Variants in EEPD1 observed in about 807,000 individuals in gnomAD.
EEPD1 encodes endonuclease/exonuclease/phosphatase family domain containing 1.
EEPD1 carries 17 observed loss-of-function variants against 46.3 expected under a neutral mutation model. The observed-to-expected ratio is 0.37, with a 90% CI of 0.25 to 0.55. The LOEUF is 0.55. Ranked by LOEUF, EEPD1 falls within the 20% of genes least tolerant of loss-of-function variation. The pLI is 0.83. For missense variants in EEPD1, 673 were observed against 745.6 expected (o/e 0.90, Z 1.13); for synonymous variants, 313 against 315.6 (o/e 0.99, Z 0.09).
At chr7:36,194,452 G>T (rs1212231776) in intron 2 of EEPD1, among the ~76,000 whole-genome samples, 1 of 152,142 alleles carries the variant, frequency 6.6e-6, no homozygotes, top group Non-Finnish European at 1.5e-5. Context: ...TTCCTTTTAA[G>T]GTGGGGGCAG....
intron 3 of EEPD1, among the ~76,000 whole-genome samples, chr7:36,262,883 T>C (rs983367636): frequency 6.6e-6 from 1 of 152,184 alleles, no homozygotes; most frequent in South Asian, 2.1e-4. Flanking sequence ...TAAACAAATA[T>C]TATTTTAGAG....
intron 2 of EEPD1, among the ~76,000 whole-genome samples, chr7:36,196,981 G>T: frequency 6.6e-6 from 1 of 151,132 alleles, no homozygotes; most frequent in East Asian, 2.0e-4. Context: ...GTCTCTGCCC[G>T]GCCCCCCATC....
chr7:36,281,284 C>T, intron 4 of EEPD1, 59 bp downstream of exon 4: 1 of 1,469,302 alleles, frequency 6.8e-7, no homozygotes, highest in Non-Finnish European at 9.4e-7. Context: ...TACTTTTCCC[C>T]TAATCAAGGG....
At chr7:36,283,430 CG>C (rs1280310546) in intron 4 of EEPD1, among the ~76,000 whole-genome samples, 1 of 152,070 alleles carries the variant, frequency 6.6e-6, no homozygotes, top group Non-Finnish European at 1.5e-5. Context: ...GAAGATGACT[CG>C]AGTGATGCTT....
chr7:36,185,246 C>T (rs1229632733), intron 2 of EEPD1, among the ~76,000 whole-genome samples: 1 of 152,222 alleles, frequency 6.6e-6, no homozygotes, highest in Non-Finnish European at 1.5e-5. Flanking sequence ...GAATAGCATG[C>T]CATGTGTTCA....
chr7:36,216,722 A>G (rs1786035148), intron 2 of EEPD1, among the ~76,000 whole-genome samples: 1 of 152,242 alleles, frequency 6.6e-6, no homozygotes, highest in Non-Finnish European at 1.5e-5. Context: ...ATCTCCATTA[A>G]AATTATGTCA....
At chr7:36,266,347 C>T (rs1239020077) in intron 3 of EEPD1, among the ~76,000 whole-genome samples, 2 of 152,084 alleles carry the variant, frequency 1.3e-5, no homozygotes, top group African/African-American at 4.8e-5. Context: ...TGCTCAGTAA[C>T]CATATGTGAA....
At chr7:36,162,858 G>A (rs12533392) in intron 2 of EEPD1, among the ~76,000 whole-genome samples, 1,827 of 152,258 alleles carry the variant, frequency 0.012, 117 homozygotes, top group Admixed American at 0.1. Context: ...GTGCTTAAGC[G>A]ACAGTACGTT....
chr7:36,166,931 G>A (rs886980088), intron 2 of EEPD1, among the ~76,000 whole-genome samples: 1 of 152,118 alleles, frequency 6.6e-6, no homozygotes, highest in South Asian at 2.1e-4. Flanking sequence ...CACAGACTGG[G>A]GGGCTTCAAC....
intron 2 of EEPD1, among the ~76,000 whole-genome samples, chr7:36,182,589 C>T (rs895765663): frequency 2.6e-5 from 4 of 152,260 alleles, no homozygotes; most frequent in African/African-American, 7.2e-5. Context: ...CCAAACCACT[C>T]GCCAGCGTTT....
rs202096671 is a variant in EEPD1, at chr7:36,271,879, CTATTG to C, written c.931-9231_931-9227del. On this transcript the variant is annotated intron_variant, in intron 3 of 7. Transcript: ENST00000242108. The stretch of plus-strand genomic sequence containing the variant: ...CTATTCTATTCTATTCTATTCTATT[CTATTG>C]TATTCTATTCTATTCGAGACAGAGT... 9.8e-3 allele frequency among the ~76,000 whole-genome samples: 161 copies of C among 16,436 alleles called. 13 individuals are homozygous for C. Among genetic ancestry groups the C allele is most frequent in the South Asian group, 0.025 (17 of 670 alleles). 10.8% of individuals were successfully genotyped at this position (16,436 alleles called of 152,430 possible). A position where few individuals can be genotyped will look rare whatever the true frequency, so the allele number is the denominator to read the frequency against.
At chr7:36,233,557 G>T (rs183395161) in intron 2 of EEPD1, among the ~76,000 whole-genome samples, 11 of 152,256 alleles carry the variant, frequency 7.2e-5, no homozygotes, top group East Asian at 3.8e-4. Flanking sequence ...TTCCACGCTT[G>T]TTGGGAGGAG....
chr7:36,169,525 A>G (rs1785042582), intron 2 of EEPD1, among the ~76,000 whole-genome samples: 1 of 152,188 alleles, frequency 6.6e-6, no homozygotes, highest in Non-Finnish European at 1.5e-5. Flanking sequence ...GGTTATTTGT[A>G]TATCTTCTTT....
chr7:36,180,506 G>A (rs1202129348), intron 2 of EEPD1, among the ~76,000 whole-genome samples: 1 of 152,318 alleles, frequency 6.6e-6, no homozygotes, highest in East Asian at 1.9e-4. Context: ...TCCTGTGACT[G>A]TACCCACAGC....
chr7:36,154,012 A>G lies in EEPD1; in HGVS notation c.-192-121A>G. 1 of 394,290 alleles carries G rather than the reference A, an allele frequency of 2.5e-6. No individual in the cohort carries two copies. The highest frequency in any genetic ancestry group is 4.7e-6 in the Non-Finnish European group (1 of 214,878). 24.4% of individuals were successfully genotyped at this position (394,290 alleles called of 1,614,324 possible). A position where few individuals can be genotyped will look rare whatever the true frequency, so the allele number is the denominator to read the frequency against. ...CTAGCCTCATTGTGCCTGCGTTTTTAGGGGTTCACGGGCAGCCACCAGTCC... is the reference window on the plus strand; with the variant it reads ...CTAGCCTCATTGTGCCTGCGTTTTTGGGGGTTCACGGGCAGCCACCAGTCC... On this transcript the variant is annotated intron_variant, in intron 1 of 7. Coordinates refer to ENST00000242108, the MANE Select transcript of EEPD1 (RefSeq NM_030636.3). This position sits in a 1 kb window ranked among gnomAD's most constrained non-coding sequence, Gnocchi z 4.2.
chr7:36,176,978 A>G (rs1038461745), intron 2 of EEPD1, among the ~76,000 whole-genome samples: 3 of 152,216 alleles, frequency 2.0e-5, no homozygotes, highest in Admixed American at 2.0e-4. Context: ...GTTATCACAC[A>G]CATTTTTAGA....
In EEPD1 at chr7:36,284,679, G is replaced by A. The variant is rs375949207; in HGVS notation, c.1042-7G>A. On this transcript the variant is annotated splice_region_variant and splice_polypyrimidine_tract_variant and intron_variant, in intron 4 of 7. Coordinates refer to ENST00000242108, the MANE Select transcript of EEPD1 (RefSeq NM_030636.3). ...GCACCAAGACTCTGTCTCCCTCTCCGCTGCAGGGAGCTGGGTATGCAGGAT... is the reference window on the plus strand; with the variant it reads ...GCACCAAGACTCTGTCTCCCTCTCCACTGCAGGGAGCTGGGTATGCAGGAT... The A allele has an allele frequency of 3.4e-5, 55 of 1,610,126 alleles. No homozygotes were observed. The highest frequency in any genetic ancestry group is 3.5e-5 in the Non-Finnish European group (41 of 1,178,222).
At chr7:36,183,305 A>G (rs904127011) in intron 2 of EEPD1, among the ~76,000 whole-genome samples, 1 of 152,222 alleles carries the variant, frequency 6.6e-6, no homozygotes, top group African/African-American at 2.4e-5. Context: ...CTAGTAGAAC[A>G]TAATAAGGAC....
intron 2 of EEPD1, among the ~76,000 whole-genome samples, chr7:36,174,021 G>A (rs1450328353): frequency 2.0e-5 from 3 of 152,232 alleles, no homozygotes; most frequent in African/African-American, 7.2e-5. Context: ...CAGTCTGGCT[G>A]TGGGAATAGT....
Sources: allele counts gnomAD v4.1 joint callset (sites outside exome capture counted in the v4.1 genomes callset), GRCh38; gene constraint gnomAD v4.1.1; non-coding constraint Gnocchi (gnomAD v3.1); transcripts MANE v1.5; gene names NCBI Gene and HGNC (gene_info 2026-07-23, HGNC 2026-07-21).